Variants in MAP3K8 observed in about 807,000 individuals in gnomAD.
MAP3K8 encodes the protein mitogen-activated protein kinase kinase kinase 8.
In MAP3K8, 22 loss-of-function variants were observed where a neutral mutation model predicts 45.8. The ratio of observed to expected loss-of-function variants is 0.48; its 90% CI spans 0.34 to 0.69. The LOEUF is 0.69. Ranked by LOEUF, MAP3K8 falls within the 30% of genes least tolerant of loss-of-function variation. The probability of loss-of-function intolerance (pLI) is 0.01; values close to 1 mark genes in which losing one functional copy is unlikely to be tolerated. For missense variants in MAP3K8, 419 were observed against 585.0 expected, an observed-to-expected ratio of 0.72 and a Z score of 2.93; for synonymous variants, 223 against 214.3, an observed-to-expected ratio of 1.04 and a Z score of -0.36.
intron 3 of MAP3K8, 111 bp downstream of exon 3, chr10:30,439,385 T>A: frequency 6.8e-7 from 1 of 1,474,912 alleles, no homozygotes; most frequent in Non-Finnish European, 9.0e-7. Context: ...CAGGCATGAT[T>A]TTAAAAAATG....
intron 1 of MAP3K8, chr10:30,434,776 C>T: frequency 1.0e-6 from 1 of 985,416 alleles, no homozygotes; most frequent in African/African-American, 1.7e-5. Flanking sequence ...GCTGGAGGAC[C>T]CGATCCTCCC....
intron 8 of MAP3K8, among the ~76,000 whole-genome samples, chr10:30,459,752 C>G (rs2132838195): frequency 6.6e-6 from 1 of 152,212 alleles, no homozygotes; most frequent in East Asian, 1.9e-4. Context: ...ATGCTTCTGA[C>G]TTGCTTTTTT....
chr10:30,459,473 G>A lies in MAP3K8; in HGVS notation c.1245G>A (p.Lys415=). 1 of 1,614,044 alleles carries A rather than the reference G, an allele frequency of 6.2e-7. No individual in the cohort carries two copies. Among genetic ancestry groups the A allele is most frequent in the Non-Finnish European group, 8.5e-7 (1 of 1,180,034 alleles). Residue 415 remains lysine, a synonymous_variant, in exon 8 of 9, where the codon AAG becomes AAA. Coordinates refer to ENST00000263056, the MANE Select transcript of MAP3K8 (RefSeq NM_005204.4). ...LLERKRLLSR[K]ELELPENIAD... is the part of the protein sequence containing the mutation. ...AGCGCAAGAGGCTGCTGAGTAGGAAGGAGCTGGAACTTCCTGAGAACATTG... is the reference window on the plus strand; with the variant it reads ...AGCGCAAGAGGCTGCTGAGTAGGAAAGAGCTGGAACTTCCTGAGAACATTG...
chr10:30,444,064 C>T (rs1016965364), intron 3 of MAP3K8, among the ~76,000 whole-genome samples: 12 of 151,944 alleles, frequency 7.9e-5, no homozygotes, highest in Admixed American at 4.6e-4. Context: ...GTGGCACACA[C>T]GTGTAGTCCC....
intron 8 of MAP3K8, 76 bp downstream of exon 8, chr10:30,459,577 A>G (rs996853180): frequency 3.9e-6 from 6 of 1,533,150 alleles, no homozygotes; most frequent in Non-Finnish European, 5.3e-6. Flanking sequence ...GATGTAGTTC[A>G]TGAAAGCACT....
At chr10:30,453,093 ATTC>A (rs1836607635) in intron 6 of MAP3K8, among the ~76,000 whole-genome samples, 1 of 152,168 alleles carries the variant, frequency 6.6e-6, no homozygotes, top group Non-Finnish European at 1.5e-5. Flanking sequence ...TGCTATTGTT[ATTC>A]TTATTTTACA....
chr10:30,454,079 G>T (rs771818828), intron 6 of MAP3K8, among the ~76,000 whole-genome samples: 1 of 152,106 alleles, frequency 6.6e-6, no homozygotes, highest in Non-Finnish European at 1.5e-5. Context: ...AGGTAAATGG[G>T]TGTAAAAGCT....
chr10:30,436,840 A>G (rs1407091855), intron 1 of MAP3K8, among the ~76,000 whole-genome samples: 1 of 150,686 alleles, frequency 6.6e-6, no homozygotes, highest in African/African-American at 2.4e-5. Context: ...TCTGTTTGAT[A>G]AATAAGTCCA....
Position 30,459,250 on chromosome 10 carries a change from G to T in MAP3K8, c.1027-5G>T. Reference sequence around the variant, plus strand: ...TTGATGCTAAGAGAGCTGGTTTGTTGATAGATCCACAAGCAAGCACCTCCA... The same window carrying T: ...TTGATGCTAAGAGAGCTGGTTTGTTTATAGATCCACAAGCAAGCACCTCCA... On this transcript the variant is annotated splice_region_variant and splice_polypyrimidine_tract_variant and intron_variant, in intron 7 of 8. Coordinates refer to ENST00000263056, the MANE Select transcript of MAP3K8 (RefSeq NM_005204.4). 1 of 1,614,056 alleles carries T rather than the reference G, an allele frequency of 6.2e-7. No individual in the cohort carries two copies. The highest frequency in any genetic ancestry group is 1.1e-5 in the South Asian group (1 of 91,066).
At position 30,435,252 on chromosome 10, in the gene MAP3K8, C is replaced by T. The variant is rs181223910; in HGVS notation, c.-255+874C>T. ...AGGCTCTTGCAGTTGCTTTACATAC[C>T]TGTGGCCTGAGTCGTTTGTGCCAAG... On this transcript the variant is annotated intron_variant, in intron 1 of 8. Coordinates refer to ENST00000263056, the MANE Select transcript of MAP3K8 (RefSeq NM_005204.4). Among the ~76,000 whole-genome samples the T allele has an allele frequency of 2.6e-3, 398 of 152,296 alleles. 2 individuals are homozygous for T. The highest frequency in any genetic ancestry group is 8.5e-3 in the African/African-American group (355 of 41,550).
intron 6 of MAP3K8, among the ~76,000 whole-genome samples, chr10:30,455,093 T>C (rs1836690855): frequency 6.6e-6 from 1 of 152,112 alleles, no homozygotes; most frequent in Non-Finnish European, 1.5e-5. Flanking sequence ...TACTCCTGAG[T>C]AGTATTTGGA....
Position 30,450,329 on chromosome 10 carries a change from G to A in MAP3K8, c.576G>A (p.Glu192=), listed in dbSNP as rs755618467. ...GCTTCCGGCACGAGAACATCGCAGA[G>A]CTGTATGGCGCAGTCCTGTGGGGTG... ...QACFRHENIA[E]LYGAVLWGET... is the part of the protein sequence containing the mutation. The change falls in exon 5 of 9, where the codon GAG becomes GAA. Residue 192 remains glutamate (E), a synonymous_variant. Coordinates refer to ENST00000263056, the MANE Select transcript of MAP3K8 (RefSeq NM_005204.4). 2 of 1,614,148 alleles carry A rather than the reference G, an allele frequency of 1.2e-6. No homozygotes were observed. The highest frequency in any genetic ancestry group is 2.2e-5 in the East Asian group (1 of 44,892).
intron 6 of MAP3K8, 69 bp from the exon 7 acceptor site, chr10:30,458,014 CT>C (rs1437431573): frequency 2.1e-5 from 28 of 1,317,176 alleles, no homozygotes; most frequent in Non-Finnish European, 2.8e-5. Flanking sequence ...ATTTCCAGAA[CT>C]GGATTAGGGA....
chr10:30,453,129 G>A (rs1836608656), intron 6 of MAP3K8, among the ~76,000 whole-genome samples: 1 of 152,250 alleles, frequency 6.6e-6, no homozygotes, highest in Non-Finnish European at 1.5e-5. Context: ...AGTTTGCAGA[G>A]ATTAAAATAA....
intron 3 of MAP3K8, 93 bp downstream of exon 3, chr10:30,439,367 T>G: frequency 6.5e-7 from 1 of 1,539,646 alleles, no homozygotes; most frequent in Non-Finnish European, 8.8e-7. Flanking sequence ...TTGGCTTAGA[T>G]GGGCTGGCAG....
intron 3 of MAP3K8, among the ~76,000 whole-genome samples, chr10:30,444,801 A>G (rs1181611182): frequency 2.6e-5 from 4 of 152,234 alleles, no homozygotes; most frequent in African/African-American, 4.8e-5. Flanking sequence ...ATCTTAGCTC[A>G]GCTTTAATTA....
At chr10:30,457,635 G>GTGTTTTGTTT (rs571549289) in intron 6 of MAP3K8, among the ~76,000 whole-genome samples, 3 of 152,070 alleles carry the variant, frequency 2.0e-5, no homozygotes, top group Non-Finnish European at 4.4e-5. Flanking sequence ...GAAAAAGGTG[G>GTGTTTTGTTT]TGTTTTGTTT....
Position 30,461,677 on chromosome 10 carries a change from C to G in MAP3K8, c.*841C>G, listed in dbSNP as rs566171208. Reference sequence around the variant, plus strand: ...TACTGTGTATGTTTTATATCAAATGCCTTCATGAATCTTTCATACATATAT... The same window carrying G: ...TACTGTGTATGTTTTATATCAAATGGCTTCATGAATCTTTCATACATATAT... On this transcript the variant is annotated 3_prime_UTR_variant, in exon 9 of 9. Transcript: ENST00000263056. The G allele has an allele frequency of 5.4e-6, 1 of 185,026 alleles. No homozygotes were observed. The highest frequency in any genetic ancestry group is 6.2e-5 in the Admixed American group (1 of 16,010). The allele number at this position is 185,026 out of a possible 1,614,324, so 11.5% of individuals were successfully genotyped here.
rs1010217783 is a variant in MAP3K8 at position 30,457,980 on chromosome 10, T to A, written c.874-104T>A. 1.2e-5 allele frequency: 11 copies of A among 943,318 alleles called. No individual in the cohort carries two copies. In the African/African-American group the frequency reaches 1.7e-4, roughly 14 times the overall value. 58.4% of individuals were successfully genotyped at this position (943,318 alleles called of 1,614,324 possible). A position where few individuals can be genotyped will look rare whatever the true frequency, so the allele number is the denominator to read the frequency against. On this transcript the variant is annotated intron_variant, in intron 6 of 8. Coordinates refer to ENST00000263056, the MANE Select transcript of MAP3K8 (RefSeq NM_005204.4). ...TTCCTGGGGAATGCCTGCATTATTC[T>A]CCTAGTTTAAGGCAAATGAGCCAAT... is the stretch of plus-strand genomic sequence containing the variant.
Sources: allele counts gnomAD v4.1 joint callset (sites outside exome capture counted in the v4.1 genomes callset), GRCh38; gene constraint gnomAD v4.1.1; transcripts MANE v1.5; gene names NCBI Gene and HGNC (gene_info 2026-07-23, HGNC 2026-07-21).